The following MYO10 variants were observed in gnomAD, a reference collection of about 807,000 sequenced individuals.
MYO10 encodes the protein unconventional myosin-X.
Under a neutral mutation model 257.3 loss-of-function variants are expected in MYO10, and 133 were observed. The observed-to-expected ratio is 0.52, with a 90% confidence interval of 0.45 to 0.60. MYO10 has a LOEUF of 0.60. Among genes scored for constraint, MYO10 ranks in the 20% least tolerant of loss-of-function variants. The pLI is 0.00. For missense variants in MYO10, 2,399 were observed against 2,635.7 expected, an observed-to-expected ratio of 0.91 and a Z score of 1.97; for synonymous variants, 1,104 against 1,028.6, an observed-to-expected ratio of 1.07 and a Z score of -1.40.
At chr5:16,920,703 T>G (rs1745955797) in intron 1 of MYO10, among the ~76,000 whole-genome samples, 1 of 152,226 alleles carries the variant, frequency 6.6e-6, no homozygotes, top group Non-Finnish European at 1.5e-5. Context: ...AATGTCAATT[T>G]CCTGATTTTG....
chr5:16,666,599 T>C lies in MYO10; in HGVS notation c.*93A>G. ...CTTCCAGAAAGCCTGGGCAGCTCTG[T>C]GTTTGTTTTGGCTGGGCATGGCACA... On this transcript the variant is annotated 3_prime_UTR_variant, in exon 41 of 41. Transcript: ENST00000513610. 1 of 1,026,456 alleles carries C rather than the reference T, an allele frequency of 9.7e-7. No homozygotes were observed. Among genetic ancestry groups the C allele is most frequent in the South Asian group, 1.6e-5 (1 of 63,438 alleles). The allele number at this position is 1,026,456 out of a possible 1,614,324, so 63.6% of individuals were successfully genotyped here.
intron 1 of MYO10, among the ~76,000 whole-genome samples, chr5:16,905,080 G>A (rs1745484344): frequency 6.6e-6 from 1 of 152,190 alleles, no homozygotes; most frequent in South Asian, 2.1e-4. Flanking sequence ...CCTCTACTCA[G>A]TGAGTCTTGC....
chr5:16,713,231 C>G (rs553101279), intron 19 of MYO10: 1 of 828,256 alleles, frequency 1.2e-6, no homozygotes, highest in East Asian at 1.2e-4. Context: ...CTCTATAGAA[C>G]AAAGTCTGTA....
chr5:16,807,011 G>A (rs947811084), intron 3 of MYO10, among the ~76,000 whole-genome samples: 17 of 152,176 alleles, frequency 1.1e-4, no homozygotes, highest in Non-Finnish European at 5.9e-5. Flanking sequence ...GGATGTAGAA[G>A]ATACAATTTG....
At chr5:16,854,365 A>G (rs916323766) in intron 2 of MYO10, among the ~76,000 whole-genome samples, 1 of 152,224 alleles carries the variant, frequency 6.6e-6, no homozygotes, top group African/African-American at 2.4e-5. Flanking sequence ...ATTACTCTGC[A>G]ATAAAAAAGA....
At chr5:16,933,056 G>T (rs1461214398) in intron 1 of MYO10, among the ~76,000 whole-genome samples, 4 of 152,300 alleles carry the variant, frequency 2.6e-5, no homozygotes, top group African/African-American at 7.2e-5. Context: ...ACCGCACCCG[G>T]CCAAATCCTA....
chr5:16,737,675 AG>A (rs1739858574), intron 19 of MYO10, among the ~76,000 whole-genome samples: 1 of 152,232 alleles, frequency 6.6e-6, no homozygotes, highest in Non-Finnish European at 1.5e-5. Flanking sequence ...TCGACAGCCC[AG>A]TGGTTTTCAA....
At chr5:16,862,731 G>A (rs4702176) in intron 2 of MYO10, among the ~76,000 whole-genome samples, 3,796 of 152,160 alleles carry the variant, frequency 0.025, 131 homozygotes, top group East Asian at 0.18. Flanking sequence ...TATTCACAGG[G>A]ACCAAAAATA....
intron 19 of MYO10, among the ~76,000 whole-genome samples, chr5:16,734,747 G>GT (rs772864859): frequency 3.3e-5 from 5 of 150,186 alleles, no homozygotes; most frequent in Non-Finnish European, 7.4e-5. Context: ...GGAGGTTGCA[G>GT]TAAGCTGAGA....
intron 2 of MYO10, 33 bp from the exon 3 acceptor site, chr5:16,818,200 T>G: frequency 7.0e-7 from 1 of 1,426,278 alleles, no homozygotes; most frequent in East Asian, 2.5e-5. Flanking sequence ...ATTATTTCAT[T>G]ATCAGCAGTA....
chr5:16,808,731 G>T (rs1462471312), intron 3 of MYO10, among the ~76,000 whole-genome samples: 10 of 152,226 alleles, frequency 6.6e-5, no homozygotes, highest in African/African-American at 2.4e-4. Flanking sequence ...GAGTGCAGTG[G>T]CACAATCTCG....
intron 1 of MYO10, among the ~76,000 whole-genome samples, chr5:16,917,895 C>G (rs1332872616): frequency 6.6e-6 from 1 of 152,100 alleles, no homozygotes; most frequent in Non-Finnish European, 1.5e-5. Context: ...GTAATTCTAA[C>G]CTATGTATCC....
chr5:16,791,127 G>T (rs900967175), intron 4 of MYO10, among the ~76,000 whole-genome samples: 9 of 152,090 alleles, frequency 5.9e-5, no homozygotes, highest in Non-Finnish European at 1.0e-4. Flanking sequence ...TAAAGCGAGA[G>T]AAAAATTGAT....
intron 26 of MYO10, 21 bp downstream of exon 26, chr5:16,699,429 C>A: frequency 6.2e-7 from 1 of 1,612,318 alleles, no homozygotes; most frequent in Non-Finnish European, 8.5e-7. Context: ...AACCCAGACT[C>A]CATGGCGGCT....
At chr5:16,835,621 A>C (rs1378374717) in intron 2 of MYO10, among the ~76,000 whole-genome samples, 2 of 150,126 alleles carry the variant, frequency 1.3e-5, no homozygotes, top group African/African-American at 4.9e-5. Flanking sequence ...ACATCAGCTC[A>C]GAATATGACA....
chr5:16,923,555 G>C (rs995663342), intron 1 of MYO10, among the ~76,000 whole-genome samples: 1 of 150,758 alleles, frequency 6.6e-6, no homozygotes, highest in Non-Finnish European at 1.5e-5. Context: ...CCAAAGTGCT[G>C]GGATCACAGG....
chr5:16,894,421 C>A (rs568437137), intron 1 of MYO10, among the ~76,000 whole-genome samples: 2 of 152,258 alleles, frequency 1.3e-5, no homozygotes, highest in South Asian at 2.1e-4. Flanking sequence ...GGACAGGAAC[C>A]CTGGCTTTAC....
intron 2 of MYO10, among the ~76,000 whole-genome samples, chr5:16,832,373 G>T (rs1743187605): frequency 1.3e-5 from 2 of 152,218 alleles, no homozygotes; most frequent in African/African-American, 4.8e-5. Context: ...AATATAAGGG[G>T]TTTAATACAT....
At chr5:16,924,887 G>C (rs1177657680) in intron 1 of MYO10, among the ~76,000 whole-genome samples, 2 of 143,602 alleles carry the variant, frequency 1.4e-5, no homozygotes, top group Non-Finnish European at 1.5e-5. Context: ...CTGGAGTGCA[G>C]TGGCACGATC....
Sources: gnomAD v4.1 joint callset for allele counts (sites outside exome capture counted in the v4.1 genomes callset) on GRCh38, gnomAD v4.1.1 for gene constraint, MANE v1.5 for transcripts, NCBI Gene and HGNC (gene_info 2026-07-23, HGNC 2026-07-21) for gene names.